ZNF503: variants seen among roughly 807,000 people sequenced by gnomAD.
The protein encoded by ZNF503 is NocA-like zinc finger 2.
In ZNF503, 15 loss-of-function variants were observed where a neutral mutation model predicts 34.4. The observed-to-expected ratio is 0.44, with a 90% confidence interval of 0.29 to 0.67. The LOEUF (loss-of-function observed/expected upper bound fraction) is 0.67. Among genes scored for constraint, ZNF503 ranks in the 30% least tolerant of loss-of-function variants. ZNF503 has a pLI of 0.13. For missense variants in ZNF503, 1,007 were observed against 926.8 expected (o/e 1.09, Z -1.12); for synonymous variants, 580 against 456.8 (o/e 1.27, Z -3.44).
chr10:75,356,389 G>A, the ZNF503 span, among the ~76,000 whole-genome samples: 2 of 152,062 alleles, frequency 1.3e-5, no homozygotes, highest in Admixed American at 6.5e-5. Flanking sequence ...CTAATTTTTT[G>A]TATTTTTAGT....
At chr10:75,350,387 G>A in the ZNF503 span, 2 of 152,120 alleles carry the variant, frequency 1.3e-5, no homozygotes, top group African/African-American at 2.4e-5. Flanking sequence ...AGCCATCCTG[G>A]GCAAACCTGG....
the ZNF503 span, among the ~76,000 whole-genome samples, chr10:75,345,005 T>C: frequency 6.6e-6 from 1 of 152,244 alleles, no homozygotes; most frequent in Admixed American, 6.5e-5. Flanking sequence ...TGGTGTGACA[T>C]TGATATATCA....
At chr10:75,295,201 C>A in the ZNF503 span, among the ~76,000 whole-genome samples, 1 of 151,288 alleles carries the variant, frequency 6.6e-6, no homozygotes, top group Non-Finnish European at 1.5e-5. This position sits in a 1 kb window ranked among gnomAD's most constrained non-coding sequence, Gnocchi z 4.0. Flanking sequence ...CGGCGCGGGG[C>A]GGGCCCGCCT....
At chr10:75,309,539 A>C in the ZNF503 span, among the ~76,000 whole-genome samples, 1 of 152,242 alleles carries the variant, frequency 6.6e-6, no homozygotes, top group Non-Finnish European at 1.5e-5. Context: ...TTGAAGGCTC[A>C]GAAGATCATT....
At chr10:75,315,484 A>G in the ZNF503 span, among the ~76,000 whole-genome samples, 1 of 152,250 alleles carries the variant, frequency 6.6e-6, no homozygotes, top group Non-Finnish European at 1.5e-5. Flanking sequence ...TGGAGTTTCT[A>G]TATGTGATTG....
At chr10:75,303,733 A>G in the ZNF503 span, among the ~76,000 whole-genome samples, 380 of 152,210 alleles carry the variant, frequency 2.5e-3, 2 homozygotes, top group Non-Finnish European at 4.6e-3. Context: ...AGAGGGTGAG[A>G]ATGTTACGGT....
chr10:75,374,666 T>G, the ZNF503 span, among the ~76,000 whole-genome samples: 1 of 152,246 alleles, frequency 6.6e-6, no homozygotes, highest in Non-Finnish European at 1.5e-5. Context: ...CCGTGTGGTT[T>G]CTTTATTCAC....
chr10:75,357,095 GT>G, the ZNF503 span, among the ~76,000 whole-genome samples: 1 of 152,086 alleles, frequency 6.6e-6, no homozygotes, highest in Non-Finnish European at 1.5e-5. Context: ...AGAGAAAGAA[GT>G]TGGGAGAACT....
the ZNF503 span, among the ~76,000 whole-genome samples, chr10:75,333,844 C>T: frequency 4.0e-5 from 1 of 24,860 alleles, no homozygotes; most frequent in Non-Finnish European, 7.3e-5. Flanking sequence ...CAGAGACGCT[C>T]CTGACCTCCC....
At chr10:75,374,158 A>T in the ZNF503 span, among the ~76,000 whole-genome samples, 1 of 152,128 alleles carries the variant, frequency 6.6e-6, no homozygotes, top group Non-Finnish European at 1.5e-5. Context: ...CTAAAAATAC[A>T]ACAATTAGCA....
At chr10:75,290,064 C>T in the ZNF503 span, among the ~76,000 whole-genome samples, 1 of 152,160 alleles carries the variant, frequency 6.6e-6, no homozygotes, top group African/African-American at 2.4e-5. Flanking sequence ...AATTTGACTA[C>T]TTTAGGTACC....
chr10:75,390,937 C>T, the ZNF503 span, among the ~76,000 whole-genome samples: 2 of 152,114 alleles, frequency 1.3e-5, no homozygotes, highest in Admixed American at 6.5e-5. Context: ...TAGATGGCTG[C>T]CTTCTTACAT....
the ZNF503 span, among the ~76,000 whole-genome samples, chr10:75,302,656 C>T: frequency 6.6e-6 from 1 of 152,168 alleles, no homozygotes; most frequent in Non-Finnish European, 1.5e-5. Context: ...TAAATTTTAC[C>T]TTTTAAAACT....
At chr10:75,380,949 G>T in the ZNF503 span, among the ~76,000 whole-genome samples, 89,445 of 152,022 alleles carry the variant, frequency 0.59, 26,492 homozygotes, top group Middle Eastern at 0.62. Flanking sequence ...TGGCATTCGC[G>T]GGAATTATTC....
chr10:75,401,608 C>T lies in ZNF503; in HGVS notation c.-189G>A, dbSNP rs1564761657. 7.2e-6 allele frequency: 5 copies of T among 691,864 alleles called. No homozygotes were observed. Among genetic ancestry groups the T allele is most frequent in the Non-Finnish European group, 1.2e-5 (5 of 422,296 alleles). The allele number at this position is 691,864 out of a possible 1,614,324, so 42.9% of individuals were successfully genotyped here. A position where few individuals can be genotyped will look rare whatever the true frequency, so the allele number is the denominator to read the frequency against. ...GCGAGTAATCCTGGGTGGCCCGCAGCGGAGCCGTGGCCGGGCTAGAGGAGC... is the reference window on the plus strand; with the variant it reads ...GCGAGTAATCCTGGGTGGCCCGCAGTGGAGCCGTGGCCGGGCTAGAGGAGC... On this transcript the variant is annotated 5_prime_UTR_variant, in exon 1 of 2. Coordinates refer to ENST00000372524, the MANE Select transcript of ZNF503 (RefSeq NM_032772.6).
chr10:75,388,060 A>C, the ZNF503 span, among the ~76,000 whole-genome samples: 2 of 152,158 alleles, frequency 1.3e-5, no homozygotes, highest in Non-Finnish European at 2.9e-5. Context: ...GCCCACATAC[A>C]GTGGGGTCAG....
the ZNF503 span, among the ~76,000 whole-genome samples, chr10:75,287,333 C>G: frequency 0.024 from 3,611 of 152,242 alleles, 143 homozygotes; most frequent in African/African-American, 0.083. Flanking sequence ...CCTACAATAT[C>G]TGAACACAAG....
chr10:75,347,299 T>C, the ZNF503 span, among the ~76,000 whole-genome samples: 1 of 152,122 alleles, frequency 6.6e-6, no homozygotes. Context: ...AGGAAAACAA[T>C]GAAGGAGAGG....
the ZNF503 span, among the ~76,000 whole-genome samples, chr10:75,294,815 G>T: frequency 2.6e-5 from 4 of 152,278 alleles, no homozygotes; most frequent in South Asian, 2.1e-4. Flanking sequence ...GCGCGCGGAG[G>T]GGGTGTCAGC....
Sources: allele counts gnomAD v4.1 joint callset (sites outside exome capture counted in the v4.1 genomes callset), GRCh38; gene constraint gnomAD v4.1.1; non-coding constraint Gnocchi (gnomAD v3.1); transcripts MANE v1.5; gene names NCBI Gene and HGNC (gene_info 2026-07-23, HGNC 2026-07-21).